ZNF519: variants seen among roughly 807,000 people sequenced by gnomAD.
ZNF519 encodes the protein similar to Zinc finger protein 85 (Zinc finger protein HPF4) (HTF1).
In ZNF519, 7 loss-of-function variants were observed where a neutral mutation model predicts 7.4. That is an observed-to-expected ratio of 0.94 (90% CI 0.54 to 1.77). The LOEUF is 1.77. ZNF519 is among the 40% of genes most tolerant of loss of function. ZNF519 has a pLI of 0.00. For missense variants in ZNF519, 586 were observed against 623.1 expected (o/e 0.94, Z 0.63); for synonymous variants, 179 against 203.3 (o/e 0.88, Z 1.02).
intron 2 of ZNF519, among the ~76,000 whole-genome samples, chr18:14,123,519 G>C (rs1371998124): frequency 6.6e-6 from 1 of 152,154 alleles, no homozygotes; most frequent in Non-Finnish European, 1.5e-5. Flanking sequence ...AGGAGTTCAA[G>C]ATCAGCCTGG....
In ZNF519 at chr18:14,105,249, G is replaced by A. The variant is rs148982947; in HGVS notation, c.1291C>T (p.His431Tyr). The part of the protein sequence containing the change: ...QHQRIHTGEK[H>Y]FKCKECGKAF... ...TTGCCACATTCTTTACATTTGAAGT[G>A]TTTCTCTCCAGTATGGATTCTCTGA... is the stretch of plus-strand genomic sequence containing the variant. Residue 431 changes from histidine (H) to tyrosine (Y), a missense_variant, in exon 3 of 3, where the codon CAC (histidine) becomes TAC (tyrosine). His to Tyr is a moderately conservative substitution (Grantham distance 83). Coordinates refer to ENST00000590202, the MANE Select transcript of ZNF519 (RefSeq NM_145287.4). 2 of 1,570,120 alleles carry A rather than the reference G, an allele frequency of 1.3e-6. No individual in the cohort carries two copies. Among genetic ancestry groups the A allele is most frequent in the East Asian group, 2.2e-5 (1 of 44,790 alleles).
intron 3 of ZNF519, chr18:14,080,315 G>GTTTTTTTTTTTTTTTTTTTT (rs55805123): frequency 9.9e-6 from 1 of 101,256 alleles, no homozygotes; most frequent in Non-Finnish European, 1.8e-5. Flanking sequence ...CAATTTGACA[G>GTTTTTTTTTTTTTTTTTTTT]TTTTTTTTTT....
chr18:14,091,246 T>G (rs569633872), intron 2 of ZNF519, among the ~76,000 whole-genome samples: 1 of 152,286 alleles, frequency 6.6e-6, no homozygotes, highest in Non-Finnish European at 1.5e-5. Flanking sequence ...TTCTTCTACT[T>G]GTAGTGCACT....
At chr18:14,092,299 A>T (rs893555549) in intron 2 of ZNF519, among the ~76,000 whole-genome samples, 2 of 152,122 alleles carry the variant, frequency 1.3e-5, no homozygotes, top group African/African-American at 4.8e-5. Context: ...CTTCATTGGA[A>T]CACGAAGAGA....
chr18:14,126,717 G>A (rs532583763), intron 1 of ZNF519, among the ~76,000 whole-genome samples: 1 of 152,308 alleles, frequency 6.6e-6, no homozygotes, highest in African/African-American at 2.4e-5. Context: ...CCAGAAAACT[G>A]AAGCAACTCC....
rs185469686 is a variant in ZNF519, at chr18:14,105,221, G to A, written c.1319C>T (p.Ala440Val). 39 of 1,571,608 alleles carry A rather than the reference G, an allele frequency of 2.5e-5. No individual in the cohort carries two copies. The Admixed American group carries it at 5.3e-4, about 21-fold the overall frequency. ...AGTAAGGTGTGAGCCCCTGTTAAAG[G>A]CTTTGCCACATTCTTTACATTTGAA... ...KHFKCKECGK[A>V]FNRGSHLTRH... Residue 440 changes from alanine to valine, a missense_variant, in exon 3 of 3, where the codon GCC (alanine) becomes GTC (valine). Coordinates refer to ENST00000590202, the MANE Select transcript of ZNF519 (RefSeq NM_145287.4).
chr18:14,097,800 A>G (rs2143109349), downstream of ZNF519, among the ~76,000 whole-genome samples: 1 of 152,258 alleles, frequency 6.6e-6, no homozygotes, highest in East Asian at 1.9e-4. Flanking sequence ...TTGTCCCAAT[A>G]CTGCTCATGT....
intron 2 of ZNF519, among the ~76,000 whole-genome samples, chr18:14,112,648 G>A (rs986216898): frequency 5.9e-5 from 9 of 151,856 alleles, no homozygotes; most frequent in Admixed American, 1.3e-4. Context: ...TGAACAATGT[G>A]AAAAAGAAAT....
At chr18:14,071,281 A>T (rs2046027063), downstream of ZNF519, 1 of 152,132 alleles carries the variant, frequency 6.6e-6, no homozygotes, top group Non-Finnish European at 1.5e-5. Context: ...ATATGTGTAC[A>T]AAATACTTTC....
intron 2 of ZNF519, among the ~76,000 whole-genome samples, chr18:14,115,378 T>C (rs2046241303): frequency 6.6e-6 from 1 of 152,156 alleles, no homozygotes; most frequent in Admixed American, 6.5e-5. Flanking sequence ...GCTATACATA[T>C]TTTACATCAA....
Position 14,106,049 on chromosome 18 carries a change from T to C in ZNF519, c.491A>G (p.His164Arg). The change falls in exon 3 of 3, where the codon CAT becomes CGT. Residue 164 changes from histidine (H) to arginine (R), a missense_variant. Physicochemically the swap from His to Arg is conservative, Grantham distance 29. Transcript: ENST00000590202. ...FCNKNQINFN[H>R]DSNISKHHST... ...ATGATGTTTACTAATATTTGAGTCA[T>C]GGTTAAAATTTATCTGATTTTTATT... is the stretch of plus-strand genomic sequence containing the variant. 2 of 1,587,954 alleles carry C rather than the reference T, an allele frequency of 1.3e-6. No individual in the cohort carries two copies. The highest frequency in any genetic ancestry group is 1.7e-4 in the Middle Eastern group (1 of 5,922).
intron 1 of ZNF519, among the ~76,000 whole-genome samples, chr18:14,131,368 C>T (rs796478567): frequency 1.2e-4 from 18 of 150,036 alleles, no homozygotes; most frequent in South Asian, 2.1e-4. Flanking sequence ...AGGACAAAAA[C>T]AGTTGATAAT....
intron 2 of ZNF519, among the ~76,000 whole-genome samples, chr18:14,087,489 T>C (rs540676681): frequency 6.6e-6 from 1 of 152,340 alleles, no homozygotes; most frequent in Non-Finnish European, 1.5e-5. Context: ...CCATGCTTCA[T>C]TCCATCTTAC....
At chr18:14,128,521 A>G (rs2046313038) in intron 1 of ZNF519, among the ~76,000 whole-genome samples, 1 of 152,116 alleles carries the variant, frequency 6.6e-6, no homozygotes, top group African/African-American at 2.4e-5. Flanking sequence ...AGGAAAAATA[A>G]ACTTCCCTCA....
Position 14,122,925 on chromosome 18 carries a change from C to T in ZNF519, c.130+1425G>A, listed in dbSNP as rs2046276869. On this transcript the variant is annotated intron_variant, in intron 2 of 2. Coordinates refer to ENST00000590202, the MANE Select transcript of ZNF519 (RefSeq NM_145287.4). ...GGTATATCTCCTAATGTTATCCCTC[C>T]CCCCTCCCCCCACCCCACGACAGGC... Among the ~76,000 whole-genome samples, 3 of 123,542 alleles carry T rather than the reference C, an allele frequency of 2.4e-5. No homozygotes were observed. The Admixed American group carries it at 2.6e-4, about 11-fold the overall frequency. The allele number at this position is 123,542 out of a possible 152,430, so 81.0% of individuals were successfully genotyped here.
Position 14,105,945 on chromosome 18 carries a change from G to T in ZNF519, c.595C>A (p.Pro199Thr), listed in dbSNP as rs747049892. Residue 199 changes from proline to threonine, a missense_variant, in exon 3 of 3, where the codon CCT (proline) becomes ACT (threonine). Transcript: ENST00000590202. ...VFYQSSKLIF[P>T]ENIHIQKKPY... ...TTTTTTTGAATATGGATATTTTCAGGGAAAATAAGCTTTGAGGATTGGTAA... is the reference window on the plus strand; with the variant it reads ...TTTTTTTGAATATGGATATTTTCAGTGAAAATAAGCTTTGAGGATTGGTAA... 37 of 1,606,154 alleles carry T rather than the reference G, an allele frequency of 2.3e-5. No homozygotes were observed. The highest frequency in any genetic ancestry group is 3.0e-5 in the Non-Finnish European group (35 of 1,175,762).
At chr18:14,111,666 T>C (rs2046221720) in intron 2 of ZNF519, among the ~76,000 whole-genome samples, 1 of 152,012 alleles carries the variant, frequency 6.6e-6, no homozygotes, top group African/African-American at 2.4e-5. Flanking sequence ...ATAGATGCCA[T>C]AAATTGGAAA....
At chr18:14,085,371 C>T (rs990819068) in intron 2 of ZNF519, among the ~76,000 whole-genome samples, 1 of 151,680 alleles carries the variant, frequency 6.6e-6, no homozygotes, top group African/African-American at 2.4e-5. Flanking sequence ...AATATGGAGA[C>T]AGAAGAATCA....
chr18:14,124,084 A>T (rs1944947184), intron 2 of ZNF519: 2 of 193,034 alleles, frequency 1.0e-5, no homozygotes, highest in South Asian at 2.3e-4. Context: ...GAGGCAGGAG[A>T]ATCACTTGAA....
Sources: allele counts gnomAD v4.1 joint callset (sites outside exome capture counted in the v4.1 genomes callset), GRCh38; gene constraint gnomAD v4.1.1; transcripts MANE v1.5; gene names NCBI Gene and HGNC (gene_info 2026-07-23, HGNC 2026-07-21).